TRIP12: variants seen among roughly 807,000 people sequenced by gnomAD.
TRIP12 encodes the protein E3 ubiquitin-protein ligase TRIP12.
TRIP12 carries 25 observed loss-of-function variants against 244.2 expected under a neutral mutation model. That is an observed-to-expected ratio of 0.10 (90% CI 0.07 to 0.14). The LOEUF (loss-of-function observed/expected upper bound fraction) is 0.14. Among genes scored for constraint, TRIP12 ranks in the 10% least tolerant of loss-of-function variants. The probability of loss-of-function intolerance (pLI) is 1.00; values close to 1 mark genes in which losing one functional copy is unlikely to be tolerated. For synonymous variants in TRIP12, 905 were observed against 873.1 expected (o/e 1.04, Z -0.64); for missense variants, 1,677 against 2,486.4 (o/e 0.67, Z 6.92).
chr2:229,909,019 G>A (rs559495113), intron 1 of TRIP12, among the ~76,000 whole-genome samples: 2 of 150,864 alleles, frequency 1.3e-5, no homozygotes, highest in African/African-American at 4.9e-5. Flanking sequence ...GAACCTGGGA[G>A]GCAGAGGTTG....
At chr2:229,811,389 A>G (rs915803242) in intron 13 of TRIP12, among the ~76,000 whole-genome samples, 185 bp from the exon 14 acceptor site, 1 of 151,912 alleles carries the variant, frequency 6.6e-6, no homozygotes, top group Non-Finnish European at 1.5e-5. Context: ...TTCAAAACAA[A>G]CAGGAAACAA....
At chr2:229,867,463 CCAAAATAAATG>C (rs796515668) in intron 2 of TRIP12, among the ~76,000 whole-genome samples, 1 of 151,846 alleles carries the variant, frequency 6.6e-6, no homozygotes, top group African/African-American at 2.4e-5. Context: ...CTGTGCCCGG[CCAAAATAAATG>C]TCTGAAGACT....
intron 19 of TRIP12, 150 bp downstream of exon 19, chr2:229,803,849 T>A (rs1271094816): frequency 2.4e-6 from 2 of 824,580 alleles, no homozygotes. Context: ...TTATAAAAGC[T>A]ATTATGTGAA....
intron 34 of TRIP12, among the ~76,000 whole-genome samples, chr2:229,783,652 G>A (rs937719814): frequency 6.6e-6 from 1 of 152,078 alleles, no homozygotes; most frequent in Non-Finnish European, 1.5e-5. Context: ...CACATTCATG[G>A]ATCAGAAGAC....
chr2:229,845,718 T>C (rs1196681772), intron 4 of TRIP12, among the ~76,000 whole-genome samples: 2 of 152,198 alleles, frequency 1.3e-5, no homozygotes, highest in Non-Finnish European at 2.9e-5. Context: ...GGGATGACTA[T>C]GATGATCTTT....
intron 17 of TRIP12, 187 bp from the exon 18 acceptor site, chr2:229,806,070 T>C (rs775454656): frequency 5.8e-5 from 27 of 467,768 alleles, no homozygotes; most frequent in Non-Finnish European, 9.7e-5. Flanking sequence ...AAATCATTTT[T>C]AATTAGACAT....
intron 1 of TRIP12, among the ~76,000 whole-genome samples, chr2:229,886,726 C>G (rs2066106000): frequency 6.6e-6 from 1 of 152,182 alleles, no homozygotes; most frequent in Non-Finnish European, 1.5e-5. Flanking sequence ...CTTGGCCTCC[C>G]AAAGTGCTGG....
chr2:229,831,887 GTTT>G (rs35424089), intron 6 of TRIP12, among the ~76,000 whole-genome samples: 1 of 136,766 alleles, frequency 7.3e-6, no homozygotes. Context: ...TGTTTTTTGG[GTTT>G]TTTTTTTTTT....
At chr2:229,841,598 A>ATC (rs1167988927) in intron 4 of TRIP12, among the ~76,000 whole-genome samples, 4 of 152,218 alleles carry the variant, frequency 2.6e-5, no homozygotes, top group Non-Finnish European at 4.4e-5. Flanking sequence ...CCAAGACAGC[A>ATC]TCCACCCTTG....
chr2:229,784,870 CAA>C (rs2039497114), intron 34 of TRIP12, among the ~76,000 whole-genome samples: 1 of 152,124 alleles, frequency 6.6e-6, no homozygotes, highest in Non-Finnish European at 1.5e-5. Context: ...GTATCTCTAA[CAA>C]AATAAAAACA....
At chr2:229,899,620 CA>C (rs2070018977) in intron 1 of TRIP12, among the ~76,000 whole-genome samples, 1 of 152,140 alleles carries the variant, frequency 6.6e-6, no homozygotes, top group Non-Finnish European at 1.5e-5. Flanking sequence ...TAAAAGGCGA[CA>C]AACTACTACT....
At chr2:229,802,672 G>C (rs976173114) in intron 20 of TRIP12, among the ~76,000 whole-genome samples, 1 of 152,128 alleles carries the variant, frequency 6.6e-6, no homozygotes, top group African/African-American at 2.4e-5. Context: ...GAAAAATACT[G>C]ATATTGAATG....
At chr2:229,831,269 T>C (rs903213674) in intron 6 of TRIP12, 1 of 627,758 alleles carries the variant, frequency 1.6e-6, no homozygotes, top group African/African-American at 1.8e-5. Flanking sequence ...TGTAGACGTC[T>C]GCCTTCTAAG....
At position 229,764,486 on chromosome 2, in the gene TRIP12, A is replaced by G. The variant is rs1283859877; in HGVS notation, c.*3068T>C. ...CCTCCAAAAAGGATTTGGCATATGA[A>G]TGCACTTTTATGAAAAACTTCATCA... On this transcript the variant is annotated 3_prime_UTR_variant, in exon 42 of 42. Transcript: ENST00000675903. The G allele has an allele frequency of 1.3e-5, 2 of 152,280 alleles. No individual in the cohort carries two copies. The highest frequency in any genetic ancestry group is 3.8e-4 in the East Asian group (2 of 5,204). The allele number at this position is 152,280 out of a possible 1,614,324, so 9.4% of individuals were successfully genotyped here. A position where few individuals can be genotyped will look rare whatever the true frequency, so the allele number is the denominator to read the frequency against.
At chr2:229,885,473 A>G (rs1173434176) in intron 1 of TRIP12, among the ~76,000 whole-genome samples, 1 of 152,224 alleles carries the variant, frequency 6.6e-6, no homozygotes, top group Admixed American at 6.5e-5. Context: ...AATGGCATCC[A>G]GACCTGCAGA....
At chr2:229,896,731 C>T (rs1560198712) in intron 1 of TRIP12, among the ~76,000 whole-genome samples, 1 of 152,054 alleles carries the variant, frequency 6.6e-6, no homozygotes, top group Non-Finnish European at 1.5e-5. Flanking sequence ...ACTCTAACTA[C>T]AAGAGATAAT....
chr2:229,828,629 G>A (rs1469897388), intron 8 of TRIP12, among the ~76,000 whole-genome samples: 1 of 151,878 alleles, frequency 6.6e-6, no homozygotes, highest in Non-Finnish European at 1.5e-5. Flanking sequence ...AAATTAGCCG[G>A]GCTTGATGGC....
At chr2:229,839,019 T>C (rs1001700481) in intron 5 of TRIP12, among the ~76,000 whole-genome samples, 1 of 152,202 alleles carries the variant, frequency 6.6e-6, no homozygotes, top group Non-Finnish European at 1.5e-5. Context: ...CCTGCATTAC[T>C]AGTGTTGATG....
In TRIP12 at chr2:229,767,241, A is replaced by G. The variant is rs1277105010; in HGVS notation, c.*313T>C. On this transcript the variant is annotated 3_prime_UTR_variant, in exon 42 of 42. Coordinates refer to ENST00000675903, the MANE Select transcript of TRIP12 (RefSeq NM_001348323.3). ...ACTGCACAGCCACATTTATTGTTCCAGCCTGGAAAAACATCCCTTTTTTAA... is the reference window on the plus strand; with the variant it reads ...ACTGCACAGCCACATTTATTGTTCCGGCCTGGAAAAACATCCCTTTTTTAA... 1 of 239,654 alleles carries G rather than the reference A, an allele frequency of 4.2e-6. No individual in the cohort carries two copies. The highest frequency in any genetic ancestry group is 8.0e-6 in the Non-Finnish European group (1 of 125,476). 14.8% of individuals were successfully genotyped at this position (239,654 alleles called of 1,614,324 possible).
Sources: gnomAD v4.1 joint callset for allele counts (sites outside exome capture counted in the v4.1 genomes callset) on GRCh38, gnomAD v4.1.1 for gene constraint, MANE v1.5 for transcripts, NCBI Gene and HGNC (gene_info 2026-07-23, HGNC 2026-07-21) for gene names.